The following GTF2IRD1 variants were observed in gnomAD, a reference collection of about 807,000 sequenced individuals.
GTF2IRD1 encodes the protein general transcription factor II-I repeat domain-containing protein 1.
Under a neutral mutation model 113.2 loss-of-function variants are expected in GTF2IRD1, and 26 were observed. That is an observed-to-expected ratio of 0.23 (90% confidence interval 0.17 to 0.32). The LOEUF is 0.32. GTF2IRD1 is among the 10% of genes least tolerant of loss of function. The pLI, the probability that GTF2IRD1 is intolerant of heterozygous loss-of-function variation, is 1.00. For missense variants in GTF2IRD1, 864 were observed against 1,280.8 expected (o/e 0.67, Z 4.97); for synonymous variants, 484 against 529.1 (o/e 0.91, Z 1.17).
chr7:74,480,244 G>A (rs563217399), intron 1 of GTF2IRD1, among the ~76,000 whole-genome samples: 34 of 152,208 alleles, frequency 2.2e-4, no homozygotes, highest in Non-Finnish European at 4.3e-4. Flanking sequence ...GGCCCTGTGC[G>A]GTGTGGGACA....
intron 1 of GTF2IRD1, among the ~76,000 whole-genome samples, chr7:74,458,487 A>G: frequency 6.6e-6 from 1 of 151,988 alleles, no homozygotes; most frequent in Non-Finnish European, 1.5e-5. Flanking sequence ...CCCAGGCTCC[A>G]TACTCCGGAA....
At chr7:74,525,235 G>A (rs1797533302) in intron 8 of GTF2IRD1, among the ~76,000 whole-genome samples, 1 of 152,140 alleles carries the variant, frequency 6.6e-6, no homozygotes, top group Non-Finnish European at 1.5e-5. Context: ...TTTGAGACTC[G>A]TCTTGGGAGT....
At chr7:74,583,759 G>C (rs1206931247) in intron 22 of GTF2IRD1, among the ~76,000 whole-genome samples, 1 of 152,168 alleles carries the variant, frequency 6.6e-6, no homozygotes. Context: ...GACCAGGCAA[G>C]ACTTGGAAGG....
chr7:74,529,940 T>C, intron 9 of GTF2IRD1, 23 bp downstream of exon 9: 1 of 1,579,088 alleles, frequency 6.3e-7, no homozygotes, highest in Non-Finnish European at 8.7e-7. Flanking sequence ...CTGGGCGCAG[T>C]GGCTCATGCC....
At chr7:74,564,383 C>T (rs1474034419) in intron 22 of GTF2IRD1, among the ~76,000 whole-genome samples, 1 of 152,158 alleles carries the variant, frequency 6.6e-6, no homozygotes, top group African/African-American at 2.4e-5. Context: ...CCCCACTGCA[C>T]CCTAGAGCTG....
chr7:74,558,309 G>GACAT (rs1799725767), intron 20 of GTF2IRD1, among the ~76,000 whole-genome samples: 2 of 140,826 alleles, frequency 1.4e-5, no homozygotes, highest in Admixed American at 7.2e-5. Flanking sequence ...TGGAGCATAT[G>GACAT]ACATGGGAGC....
chr7:74,504,612 C>G (rs782152603), intron 1 of GTF2IRD1, among the ~76,000 whole-genome samples: 16 of 152,098 alleles, frequency 1.1e-4, no homozygotes, highest in Middle Eastern at 6.8e-3. Flanking sequence ...CTGGCTGAGG[C>G]CTGGAGCTAG....
At chr7:74,590,099 T>C (rs1305477314) in intron 23 of GTF2IRD1, among the ~76,000 whole-genome samples, 171 bp downstream of exon 23, 9 of 152,022 alleles carry the variant, frequency 5.9e-5, no homozygotes, top group Non-Finnish European at 1.3e-4. Context: ...TTTTTTTTTT[T>C]TAAACAGGGT....
chr7:74,577,682 C>T (rs1396796109), intron 22 of GTF2IRD1, among the ~76,000 whole-genome samples: 2 of 150,122 alleles, frequency 1.3e-5, no homozygotes, highest in African/African-American at 4.9e-5. Flanking sequence ...TAAAGACAGT[C>T]TCCCTCTTGC....
chr7:74,537,662 T>G (rs1285792260), intron 11 of GTF2IRD1, among the ~76,000 whole-genome samples: 2 of 152,030 alleles, frequency 1.3e-5, no homozygotes, highest in Non-Finnish European at 2.9e-5. Flanking sequence ...CCCCACATCA[T>G]ATCAGGCCTC....
rs782487973 is a variant in GTF2IRD1, at chr7:74,524,174, C to T, written c.1090+20C>T. ...GATATGGTGAGTGGGCGGCGCGGCC[C>T]GCCGTGTGGCCCCAGCAGCCGTGTT... On this transcript the variant is annotated intron_variant, in intron 8 of 26. Coordinates refer to ENST00000424337, the MANE Select transcript of GTF2IRD1 (RefSeq NM_005685.4). The T allele has an allele frequency of 1.8e-4, 273 of 1,543,864 alleles. No individual in the cohort carries two copies. Among genetic ancestry groups the T allele is most frequent in the Non-Finnish European group, 2.3e-4 (259 of 1,122,036 alleles).
At chr7:74,595,083 C>T in intron 25 of GTF2IRD1, 32 bp downstream of exon 25, 2 of 1,526,518 alleles carry the variant, frequency 1.3e-6, no homozygotes, top group South Asian at 1.1e-5. Flanking sequence ...CACCCTTCTG[C>T]TCCGTGGGGA....
chr7:74,565,562 C>T (rs587768042), intron 22 of GTF2IRD1, among the ~76,000 whole-genome samples: 9 of 152,162 alleles, frequency 5.9e-5, no homozygotes, highest in African/African-American at 1.9e-4. Flanking sequence ...GGACAGCTAA[C>T]GGGGGCTGTT....
intron 9 of GTF2IRD1, among the ~76,000 whole-genome samples, chr7:74,531,986 T>A (rs587687243): frequency 6.6e-6 from 1 of 152,260 alleles, no homozygotes; most frequent in South Asian, 2.1e-4. Context: ...GGCAGATATA[T>A]TGGTTCTAGC....
chr7:74,577,298 C>G (rs1367069793), intron 22 of GTF2IRD1, among the ~76,000 whole-genome samples: 3 of 152,198 alleles, frequency 2.0e-5, no homozygotes, highest in Non-Finnish European at 4.4e-5. Flanking sequence ...CTCAGCCTCC[C>G]AAAGTGGTGG....
chr7:74,491,543 T>C (rs949323892), intron 1 of GTF2IRD1, among the ~76,000 whole-genome samples: 3 of 152,136 alleles, frequency 2.0e-5, no homozygotes, highest in South Asian at 2.1e-4. Context: ...GTGTTCTCAT[T>C]GTTCAGCTCC....
intron 15 of GTF2IRD1, 98 bp from the exon 16 acceptor site, chr7:74,545,646 G>T: frequency 6.8e-6 from 5 of 733,664 alleles, no homozygotes; most frequent in Non-Finnish European, 9.7e-6. Context: ...CCCATTCCAA[G>T]ATCCCACCAC....
intron 1 of GTF2IRD1, among the ~76,000 whole-genome samples, chr7:74,491,501 C>T (rs142830877): frequency 0.011 from 1,603 of 139,640 alleles, 17 homozygotes; most frequent in African/African-American, 0.04. Flanking sequence ...CTGAAAGGCC[C>T]CAGTGTGTGT....
At position 74,567,932 on chromosome 7, in the gene GTF2IRD1, C is replaced by T. The variant is rs587678115; in HGVS notation, c.2320+8277C>T. 9.9e-5 allele frequency among the ~76,000 whole-genome samples: 15 copies of T among 152,088 alleles called. No homozygotes were observed. In the South Asian group the frequency reaches 2.1e-3, roughly 21 times the overall value. ...TCCCGAGTAGCTGGGATTACAGGCGCGTGCTATCGCGCCCGACTATTTTTT... is the reference window on the plus strand; with the variant it reads ...TCCCGAGTAGCTGGGATTACAGGCGTGTGCTATCGCGCCCGACTATTTTTT... On this transcript the variant is annotated intron_variant, in intron 22 of 26. Transcript: ENST00000424337.
Sources: allele counts gnomAD v4.1 joint callset (sites outside exome capture counted in the v4.1 genomes callset), GRCh38; gene constraint gnomAD v4.1.1; transcripts MANE v1.5; gene names NCBI Gene and HGNC (gene_info 2026-07-23, HGNC 2026-07-21).